Variants in STPG2 observed in about 807,000 individuals in gnomAD.
STPG2 encodes sperm-tail PG-rich repeat-containing protein 2.
In STPG2, 56 loss-of-function variants were observed where a neutral mutation model predicts 54.2. The ratio of observed to expected loss-of-function variants is 1.03; its 90% CI spans 0.83 to 1.29. STPG2 has a LOEUF of 1.29. STPG2 is among the 50% of genes most tolerant of loss of function. The probability of loss-of-function intolerance (pLI) is 0.00; values close to 1 mark genes in which losing one functional copy is unlikely to be tolerated. For missense variants in STPG2, 596 were observed against 544.9 expected (o/e 1.09, Z -0.93); for synonymous variants, 200 against 181.8 (o/e 1.10, Z -0.81).
At chr4:97,744,008 A>G (rs942353166) in intron 9 of STPG2, among the ~76,000 whole-genome samples, 1 of 151,402 alleles carries the variant, frequency 6.6e-6, no homozygotes, top group African/African-American at 2.4e-5. Flanking sequence ...TAGGACTGAA[A>G]AGGAGAGTTA....
rs1388017369 is a variant in STPG2 at position 97,548,937 on chromosome 4, T to C, written c.462+163762A>G. Among the ~76,000 whole-genome samples the C allele has an allele frequency of 1.1e-4, 5 of 45,946 alleles. No individual in the cohort carries two copies. The East Asian group carries it at 2.3e-3, about 21-fold the overall frequency. The allele number at this position is 45,946 out of a possible 152,430, so 30.1% of individuals were successfully genotyped here. On this transcript the variant is annotated intron_variant, in intron 4 of 4. Coordinates refer to the STPG2 transcript ENST00000522676. ...TACTATACCAGATTATAAAAAGTATTTTTTAATACCTGAAAACTCATTTTT... is the reference window on the plus strand; with the variant it reads ...TACTATACCAGATTATAAAAAGTATCTTTTAATACCTGAAAACTCATTTTT...
intron 9 of STPG2, among the ~76,000 whole-genome samples, chr4:97,718,952 T>C (rs1724369708): frequency 1.3e-5 from 2 of 151,918 alleles, no homozygotes; most frequent in South Asian, 4.1e-4. Context: ...CTCCAAAATC[T>C]GAAACTTTTC....
intron 9 of STPG2, among the ~76,000 whole-genome samples, chr4:97,804,084 A>C (rs1727480064): frequency 6.6e-6 from 1 of 152,140 alleles, no homozygotes; most frequent in African/African-American, 2.4e-5. Context: ...TGAAAATCCA[A>C]ACGTTTTTAT....
intron 8 of STPG2, among the ~76,000 whole-genome samples, chr4:97,865,455 T>A (rs141711995): frequency 0.018 from 2,799 of 152,260 alleles, 78 homozygotes; most frequent in African/African-American, 0.064. Context: ...CTGGAGAGGA[T>A]GTGGAAAAAT....
At chr4:97,476,637 G>A (rs1730079083) in intron 4 of STPG2, among the ~76,000 whole-genome samples, 1 of 152,050 alleles carries the variant, frequency 6.6e-6, no homozygotes, top group Non-Finnish European at 1.5e-5. Context: ...TATTATGCTT[G>A]CTATGAACAT....
At chr4:97,447,892 G>T (rs925319696) in intron 4 of STPG2, among the ~76,000 whole-genome samples, 1 of 152,140 alleles carries the variant, frequency 6.6e-6, no homozygotes, top group Non-Finnish European at 1.5e-5. Context: ...CCAGACCCAA[G>T]AATAGTAGGT....
intron 10 of STPG2, among the ~76,000 whole-genome samples, chr4:97,617,739 C>G (rs1053193978): frequency 1.3e-5 from 2 of 152,098 alleles, no homozygotes; most frequent in African/African-American, 4.8e-5. Flanking sequence ...GATACACTAG[C>G]AAGTTGGCCC....
intron 10 of STPG2, among the ~76,000 whole-genome samples, chr4:97,580,021 C>T (rs534685458): frequency 1.7e-4 from 26 of 152,064 alleles, no homozygotes; most frequent in African/African-American, 6.0e-4. Context: ...ACAGCTTACT[C>T]ATGATCTTCA....
intron 9 of STPG2, among the ~76,000 whole-genome samples, chr4:97,738,637 G>A (rs1455612507): frequency 6.6e-6 from 1 of 152,066 alleles, no homozygotes; most frequent in Non-Finnish European, 1.5e-5. Flanking sequence ...AATGGTAAAG[G>A]GATCAATTCA....
chr4:97,703,530 A>G (rs1416304356), intron 10 of STPG2, among the ~76,000 whole-genome samples: 1 of 140,338 alleles, frequency 7.1e-6, no homozygotes. Flanking sequence ...TATACTATAT[A>G]TAAGTCTATA....
intron 7 of STPG2, among the ~76,000 whole-genome samples, chr4:97,971,367 G>T (rs1734318358): frequency 6.6e-6 from 1 of 152,084 alleles, no homozygotes; most frequent in South Asian, 2.1e-4. Context: ...GTTTATTGCA[G>T]CACTATTCAC....
intron 4 of STPG2, chr4:97,490,091 CA>C (rs1230663236): frequency 6.6e-6 from 1 of 151,314 alleles, no homozygotes. Flanking sequence ...ATTTCAATGG[CA>C]GCTAGTATAA....
intron 4 of STPG2, among the ~76,000 whole-genome samples, chr4:97,442,178 A>G (rs917558580): frequency 3.3e-5 from 5 of 152,038 alleles, no homozygotes; most frequent in African/African-American, 1.2e-4. Context: ...TGAACTGCAC[A>G]GAATTTTTTC....
At chr4:98,133,831 T>C (rs887173444) in intron 2 of STPG2, among the ~76,000 whole-genome samples, 2 of 151,942 alleles carry the variant, frequency 1.3e-5, no homozygotes, top group Non-Finnish European at 2.9e-5. Context: ...TATGTGAAAA[T>C]GGCAAAAGGT....
intron 8 of STPG2, among the ~76,000 whole-genome samples, chr4:97,907,275 C>A (rs1457217585): frequency 1.7e-4 from 26 of 151,312 alleles, no homozygotes; most frequent in East Asian, 3.9e-4. Context: ...CAATTGCTTC[C>A]AAGAGAATAA....
chr4:97,671,715 T>A (rs1190791571), intron 10 of STPG2, among the ~76,000 whole-genome samples: 2 of 152,216 alleles, frequency 1.3e-5, no homozygotes, highest in African/African-American at 4.8e-5. Context: ...TGTTACTTTG[T>A]CACCTACATG....
At chr4:98,015,037 T>A (rs1009286251) in intron 5 of STPG2, among the ~76,000 whole-genome samples, 1 of 152,190 alleles carries the variant, frequency 6.6e-6, no homozygotes, top group Non-Finnish European at 1.5e-5. Flanking sequence ...TCAAATTCTC[T>A]TTGTTGTTTA....
rs537119011 is a variant in STPG2 at position 97,917,839 on chromosome 4, T to C, written c.1044+26058A>G. On this transcript the variant is annotated intron_variant, in intron 8 of 10. Coordinates refer to ENST00000295268, the MANE Select transcript of STPG2 (RefSeq NM_174952.3). ...CTTAGACTACATCCTCTAAATTTCA[T>C]CTTTTTAGGCTTATTAAATATTTCA... Among the ~76,000 whole-genome samples, 78 of 152,242 alleles carry C rather than the reference T, an allele frequency of 5.1e-4. 1 individual carries two copies. The South Asian group carries it at 0.015, about 30-fold the overall frequency.
chr4:97,478,873 A>ATGTGTGTGTGTGTG (rs35662485), intron 4 of STPG2, among the ~76,000 whole-genome samples: 1 of 134,038 alleles, frequency 7.5e-6, no homozygotes, highest in South Asian at 2.6e-4. Flanking sequence ...CAAGCCAAAT[A>ATGTGTGTGTGTGTG]TGTGTGTGTG....
Sources: gnomAD v4.1 joint callset for allele counts (sites outside exome capture counted in the v4.1 genomes callset) on GRCh38, gnomAD v4.1.1 for gene constraint, MANE v1.5 for transcripts, NCBI Gene and HGNC (gene_info 2026-07-23, HGNC 2026-07-21) for gene names.